Variants in HBP1 observed in about 807,000 individuals in gnomAD.
HBP1 encodes the protein HMG box-containing protein 1.
In HBP1, 20 loss-of-function variants were observed where a neutral mutation model predicts 62.6. The ratio of observed to expected loss-of-function variants is 0.32; its 90% CI spans 0.22 to 0.46. The LOEUF (loss-of-function observed/expected upper bound fraction) is 0.46. Among genes scored for constraint, HBP1 ranks in the 20% least tolerant of loss-of-function variants. HBP1 has a pLI of 1.00. For missense variants in HBP1, 480 were observed against 611.8 expected (o/e 0.78, Z 2.27); for synonymous variants, 232 against 206.2 (o/e 1.12, Z -1.07).
At chr7:107,177,802 A>C (rs968062121) in intron 1 of HBP1, among the ~76,000 whole-genome samples, 1 of 152,216 alleles carries the variant, frequency 6.6e-6, no homozygotes, top group African/African-American at 2.4e-5. Flanking sequence ...AAATGTAAAA[A>C]TATCTAAGTC....
intron 9 of HBP1, among the ~76,000 whole-genome samples, chr7:107,199,629 G>C (rs1798111589): frequency 6.6e-6 from 1 of 152,184 alleles, no homozygotes; most frequent in Non-Finnish European, 1.5e-5. Context: ...TTCATAGAAG[G>C]AAGGTGGTTT....
rs2115934149 is a variant in HBP1, at chr7:107,190,227, G to A, written c.977G>A (p.Cys326Tyr). 6.2e-7 allele frequency: 1 copy of A among 1,611,558 alleles called. No homozygotes were observed. The highest frequency in any genetic ancestry group is 2.2e-5 in the East Asian group (1 of 44,818). The change falls in exon 8 of 11, where the codon TGT becomes TAT. Residue 326 changes from cysteine to tyrosine, a missense_variant. By Grantham distance (194) the Cys-to-Tyr change is radical. This residue lies in a region of HBP1 where 58 missense variants were observed against 128.5 expected (regional missense o/e 0.45). Transcript: ENST00000222574. ...LTVVQHGIPC[C>Y]EVHIGDVCLP... ...GTGGTACAGCATGGCATTCCATGTT[G>A]TGAAGTTCATATTGGCGATGTATGT...
intron 1 of HBP1, chr7:107,174,892 T>A (rs1014620688): frequency 1.7e-5 from 3 of 178,516 alleles, no homozygotes; most frequent in African/African-American, 7.2e-5. Flanking sequence ...CCAGAAATAC[T>A]TCTATGGAAA....
At chr7:107,188,587 T>C (rs1797498688) in intron 6 of HBP1, among the ~76,000 whole-genome samples, 1 of 152,210 alleles carries the variant, frequency 6.6e-6, no homozygotes, top group South Asian at 2.1e-4. Context: ...TTTCAGATCC[T>C]ACCATGTGGC....
At chr7:107,199,244 C>G (rs1798082324) in intron 9 of HBP1, among the ~76,000 whole-genome samples, 1 of 152,118 alleles carries the variant, frequency 6.6e-6, no homozygotes, top group Non-Finnish European at 1.5e-5. Context: ...TGCCATCACA[C>G]CTGGCAAATA....
chr7:107,174,684 C>T, intron 1 of HBP1: 1 of 984,584 alleles, frequency 1.0e-6, no homozygotes, highest in Non-Finnish European at 1.2e-6. Context: ...ACTGTTCATA[C>T]ACAGAGGATA....
chr7:107,200,416 T>C (rs182305422), intron 10 of HBP1, 115 bp downstream of exon 10: 328 of 704,384 alleles, frequency 4.7e-4, no homozygotes, highest in Admixed American at 7.0e-4. Flanking sequence ...GTCTCTAGCA[T>C]TTTTATACTT....
In HBP1 at chr7:107,180,689, C is replaced by G. The variant is rs114580286; in HGVS notation, c.169+627C>G. 2.0e-3 allele frequency among the ~76,000 whole-genome samples: 297 copies of G among 152,240 alleles called. 1 individual carries two copies. The highest frequency in any genetic ancestry group is 6.9e-3 in the African/African-American group (288 of 41,526). On this transcript the variant is annotated intron_variant, in intron 2 of 10. Coordinates refer to ENST00000222574, the MANE Select transcript of HBP1 (RefSeq NM_012257.4). The stretch of plus-strand genomic sequence containing the variant: ...TAAAAACCCTGGGGAGAAGATACAG[C>G]TGTCTTAATTTTACAAATGATGAAA...
Position 107,171,002 on chromosome 7 carries a change from CAT to C in HBP1, c.-16+1821_-16+1822del, listed in dbSNP as rs570599017. On this transcript the variant is annotated intron_variant, in intron 1 of 10. Coordinates refer to ENST00000222574, the MANE Select transcript of HBP1 (RefSeq NM_012257.4). ...ACATGTATATATATAAAATATATAA[CAT>C]ATACATGTATATATATAAAATATAT... Among the ~76,000 whole-genome samples, 1,239 of 126,794 alleles carry C rather than the reference CAT, an allele frequency of 9.8e-3. 16 individuals are homozygous for C. Among genetic ancestry groups the C allele is most frequent in the African/African-American group, 0.037 (1,163 of 31,542 alleles). 83.2% of individuals were successfully genotyped at this position (126,794 alleles called of 152,430 possible). A position where few individuals can be genotyped will look rare whatever the true frequency, so the allele number is the denominator to read the frequency against.
rs891671426 is a variant in HBP1, at chr7:107,182,549, A to G, written c.346A>G (p.Asn116Asp). 4 of 1,613,346 alleles carry G rather than the reference A, an allele frequency of 2.5e-6. No homozygotes were observed. Among genetic ancestry groups the G allele is most frequent in the Admixed American group, 3.3e-5 (2 of 60,006 alleles). The change falls in exon 3 of 11, where the codon AAT becomes GAT. Residue 116 changes from asparagine to aspartate, a missense_variant. By Grantham distance (23) the Asn-to-Asp change is conservative. Transcript: ENST00000222574. ...NEVDWLTELA[N>D]IATSPQSPLM... ...GGTGGACTGGCTAACAGAATTGGCA[A>G]ATATCGCGACCAGTCCACAAAGTCC...
chr7:107,194,624 A>C (rs116341066), intron 8 of HBP1, among the ~76,000 whole-genome samples: 2 of 152,166 alleles, frequency 1.3e-5, no homozygotes, highest in Non-Finnish European at 2.9e-5. Flanking sequence ...GTTTCCATCT[A>C]TCTTTAGAAT....
Position 107,180,487 on chromosome 7 carries a change from C to T in HBP1, c.169+425C>T, listed in dbSNP as rs534701928. Among the ~76,000 whole-genome samples the T allele has an allele frequency of 5.1e-4, 78 of 152,302 alleles. 2 individuals are homozygous for T. In the South Asian group the frequency reaches 0.011, roughly 21 times the overall value. ...TATGGTTGTTACTATTGCTAAACTA[C>T]TCCTGGAGATATGTGACCTTTAGAA... is the stretch of plus-strand genomic sequence containing the variant. On this transcript the variant is annotated intron_variant, in intron 2 of 10. Coordinates refer to ENST00000222574, the MANE Select transcript of HBP1 (RefSeq NM_012257.4).
chr7:107,202,244 A>G lies in HBP1; in HGVS notation c.*813A>G, dbSNP rs192948081. The stretch of plus-strand genomic sequence containing the variant: ...AATATATTTTGTCATCATAATCTTT[A>G]TGGTGGGGGCAGACTTTGCACTTAC... On this transcript the variant is annotated 3_prime_UTR_variant, in exon 11 of 11. Transcript: ENST00000222574. 3.4e-5 allele frequency: 5 copies of G among 145,688 alleles called. No homozygotes were observed. The highest frequency in any genetic ancestry group is 1.2e-4 in the African/African-American group (5 of 41,064). 9.0% of individuals were successfully genotyped at this position (145,688 alleles called of 1,614,324 possible).
intron 9 of HBP1, among the ~76,000 whole-genome samples, chr7:107,199,178 C>T (rs1214111013): frequency 2.0e-5 from 3 of 152,150 alleles, no homozygotes; most frequent in Admixed American, 6.5e-5. Flanking sequence ...CTCTGCCTCC[C>T]GGGTTCAGGC....
intron 1 of HBP1, among the ~76,000 whole-genome samples, chr7:107,177,310 A>C (rs1315340402): frequency 2.0e-5 from 3 of 152,212 alleles, no homozygotes; most frequent in Non-Finnish European, 4.4e-5. Context: ...CATCTAACCC[A>C]GTGCCCTTTT....
chr7:107,189,703 C>T (rs539488889), intron 7 of HBP1, among the ~76,000 whole-genome samples: 1 of 152,018 alleles, frequency 6.6e-6, no homozygotes, highest in African/African-American at 2.4e-5. Flanking sequence ...TTTCTATTAT[C>T]TTGGTATAGT....
chr7:107,194,926 T>C (rs2115970552), intron 8 of HBP1, among the ~76,000 whole-genome samples: 1 of 152,358 alleles, frequency 6.6e-6, no homozygotes, highest in African/African-American at 2.4e-5. Context: ...CAATGAACTT[T>C]ATGTTATTAG....
At chr7:107,171,113 A>C (rs1176649380) in intron 1 of HBP1, among the ~76,000 whole-genome samples, 2 of 121,178 alleles carry the variant, frequency 1.7e-5, no homozygotes, top group African/African-American at 3.6e-5. Flanking sequence ...CTCTGTCGCC[A>C]GGCTGGAGTG....
At chr7:107,177,871 A>AT (rs773433050) in intron 1 of HBP1, among the ~76,000 whole-genome samples, 24 of 151,814 alleles carry the variant, frequency 1.6e-4, no homozygotes, top group African/African-American at 5.3e-4. Context: ...TTTTTTTCCC[A>AT]TTTTTTTTCA....
Sources: allele counts gnomAD v4.1 joint callset (sites outside exome capture counted in the v4.1 genomes callset), GRCh38; gene constraint gnomAD v4.1.1; regional missense constraint gnomAD v4.1.1; transcripts MANE v1.5; gene names NCBI Gene and HGNC (gene_info 2026-07-23, HGNC 2026-07-21).